ACOX1: variants seen among roughly 807,000 people sequenced by gnomAD.
ACOX1 encodes acyl-CoA oxidase 1.
ACOX1 carries 41 observed loss-of-function variants against 75.5 expected under a neutral mutation model. The ratio of observed to expected loss-of-function variants is 0.54; its 90% CI spans 0.42 to 0.70. The LOEUF is 0.70. Among genes scored for constraint, ACOX1 ranks in the 30% least tolerant of loss-of-function variants. ACOX1 has a pLI of 0.00. For missense variants in ACOX1, 630 were observed against 837.5 expected, an observed-to-expected ratio of 0.75 and a Z score of 3.06; for synonymous variants, 303 against 298.8, an observed-to-expected ratio of 1.01 and a Z score of -0.15.
chr17:75,951,462 G>T lies in ACOX1; in HGVS notation c.1060C>A (p.Arg354=). 6.2e-7 allele frequency: 1 copy of T among 1,614,130 alleles called. No individual in the cohort carries two copies. The highest frequency in any genetic ancestry group is 1.1e-5 in the South Asian group (1 of 91,074). ...CCTTGACCAATGCCTTCGTTAATCC[G>T]GTGATAGGTCTCCTTCATGTATGCG... ...VGAYMKETYH[R]INEGIGQGDL... Residue 354 remains arginine (R), a synonymous_variant, in exon 8 of 14, where the codon CGG becomes AGG. Transcript: ENST00000293217.
intron 2 of ACOX1, among the ~76,000 whole-genome samples, chr17:75,971,158 G>T (rs2065989932): frequency 6.6e-6 from 1 of 152,068 alleles, no homozygotes; most frequent in South Asian, 2.1e-4. Flanking sequence ...GGGCATGGTG[G>T]CACACGCCTC....
At chr17:75,946,969 A>G (rs1423760056) in intron 13 of ACOX1, among the ~76,000 whole-genome samples, 174 bp from the exon 14 acceptor site, 1 of 151,654 alleles carries the variant, frequency 6.6e-6, no homozygotes, top group Non-Finnish European at 1.5e-5. Context: ...CCCAGACTCC[A>G]GCGATCTTCC....
At chr17:75,952,459 T>C (rs189232322) in intron 7 of ACOX1, among the ~76,000 whole-genome samples, 28 of 151,602 alleles carry the variant, frequency 1.8e-4, no homozygotes, top group Middle Eastern at 3.4e-3. Flanking sequence ...CACACCCAGC[T>C]AATTTTTGTA....
Position 75,979,014 on chromosome 17 carries a change from T to A in ACOX1, c.60A>T (p.Thr20=), listed in dbSNP as rs768738771. The change falls in exon 1 of 14, where the codon ACA becomes ACT. Residue 20 remains threonine, a synonymous_variant. Coordinates refer to ENST00000293217, the MANE Select transcript of ACOX1 (RefSeq NM_004035.7). ...DSASFNPELL[T]HILDGSPEKT... ...TCTCGGGGCTGCCGTCCAGGATGTG[T>A]GTAAGCAGCTCCGGGTTGAAGCTGG... 3.1e-6 allele frequency: 5 copies of A among 1,612,184 alleles called. No individual in the cohort carries two copies. Among genetic ancestry groups the A allele is most frequent in the Non-Finnish European group, 3.4e-6 (4 of 1,179,948 alleles).
At chr17:75,962,069 A>G (rs1013251725) in intron 2 of ACOX1, among the ~76,000 whole-genome samples, 3 of 152,152 alleles carry the variant, frequency 2.0e-5, no homozygotes, top group African/African-American at 7.2e-5. Context: ...GCGTAGAACC[A>G]TATTCCTCAC....
chr17:75,956,039 CACTAG>C (rs1323985225), intron 4 of ACOX1, 92 bp from the exon 5 acceptor site: 2 of 1,549,030 alleles, frequency 1.3e-6, no homozygotes, highest in Non-Finnish European at 1.8e-6. Flanking sequence ...TTAAATCTAA[CACTAG>C]ACTAAACCAA....
Position 75,978,815 on chromosome 17 carries a change from CCAG to C in ACOX1, c.110-125_110-123del. 6.2e-7 allele frequency: 1 copy of C among 1,602,510 alleles called. No homozygotes were observed. The highest frequency in any genetic ancestry group is 8.5e-7 in the Non-Finnish European group (1 of 1,178,250). On this transcript the variant is annotated intron_variant, in intron 1 of 13. Coordinates refer to ENST00000293217, the MANE Select transcript of ACOX1 (RefSeq NM_004035.7). The surrounding 1 kb of genome is among the most constrained non-coding windows in gnomAD (Gnocchi z 4.2). ...CCTGGGGAATGGCGATATCCCCCCA[CCAG>C]GGACACAGGCTGTTCCTCGAAGTGG... is the stretch of plus-strand genomic sequence containing the variant.
intron 2 of ACOX1, among the ~76,000 whole-genome samples, chr17:75,968,171 T>C (rs2065956489): frequency 6.7e-6 from 1 of 149,792 alleles, no homozygotes; most frequent in Non-Finnish European, 1.5e-5. Flanking sequence ...GTGCAGTGGC[T>C]CACGCCTGTA....
In ACOX1 at chr17:75,960,978, C is replaced by G. The variant is rs540029957; in HGVS notation, c.270-603G>C. Among the ~76,000 whole-genome samples the G allele has an allele frequency of 1.3e-5, 2 of 149,604 alleles. No homozygotes were observed. The highest frequency in any genetic ancestry group is 3.0e-5 in the Non-Finnish European group (2 of 67,446). ...TGGGTGACAGAGTGAGACTCTGTCT[C>G]AAAAAAAATAAATAAATAAATAAGA... On this transcript the variant is annotated intron_variant, in intron 2 of 13. Coordinates refer to ENST00000293217, the MANE Select transcript of ACOX1 (RefSeq NM_004035.7). This position sits in a 1 kb window ranked among gnomAD's most constrained non-coding sequence, Gnocchi z 4.4.
In ACOX1 at chr17:75,978,653, G is replaced by A; in HGVS notation, c.150C>T (p.Asp50=). 1 of 1,614,216 alleles carries A rather than the reference G, an allele frequency of 6.2e-7. No homozygotes were observed. The highest frequency in any genetic ancestry group is 8.5e-7 in the Non-Finnish European group (1 of 1,180,040). The change falls in exon 2 of 14, where the codon GAC becomes GAT. Residue 50 remains aspartate, a synonymous_variant. Coordinates refer to ENST00000293217, the MANE Select transcript of ACOX1 (RefSeq NM_004035.7). This position sits in a 1 kb window ranked among gnomAD's most constrained non-coding sequence, Gnocchi z 4.2. ...ILNDPDFQHE[D]LNFLTRSQRY... ...GCTGGCTGCGAGTGAGGAAGTTCAAGTCCTCATGCTGGAAGTCTGGGTCGT... is the reference window on the plus strand; with the variant it reads ...GCTGGCTGCGAGTGAGGAAGTTCAAATCCTCATGCTGGAAGTCTGGGTCGT...
chr17:75,972,339 A>C (rs1405127559), intron 2 of ACOX1, among the ~76,000 whole-genome samples: 1 of 151,068 alleles, frequency 6.6e-6, no homozygotes, highest in Non-Finnish European at 1.5e-5. Context: ...AAAAAAAAAA[A>C]AAAAAGGAAG....
At position 75,957,495 on chromosome 17, in the gene ACOX1, G is replaced by A; in HGVS notation, c.502C>T (p.Pro168Ser). 6.2e-7 allele frequency: 1 copy of A among 1,614,094 alleles called. No individual in the cohort carries two copies. Among genetic ancestry groups the A allele is most frequent in the South Asian group, 1.1e-5 (1 of 91,084 alleles). ...CACCATTTAATGGAGGTCACAGTAG[G>A]ACTGTTGAGAATGAACTCCTGGGTT... ...PETQEFILNS[P>S]TVTSIKWWPG... The change falls in exon 4 of 14, where the codon CCT becomes TCT. Residue 168 changes from proline to serine, a missense_variant. Physicochemically the swap from Pro to Ser is moderately conservative, Grantham distance 74. Around this residue, in one of 2 missense-constraint regions of ACOX1, gnomAD observed 390 missense variants for 574.9 expected, o/e 0.68. Transcript: ENST00000293217.
chr17:75,957,458 C>G lies in ACOX1; in HGVS notation c.538+1G>C. 1 of 1,611,570 alleles carries G rather than the reference C, an allele frequency of 6.2e-7. No homozygotes were observed. Among genetic ancestry groups the G allele is most frequent in the Non-Finnish European group, 8.5e-7 (1 of 1,177,740 alleles). ...CAATAAATGCTGAAAAATTCACTTACGCCCACCAGGCCACCATTTAATGGA... is the reference window on the plus strand; with the variant it reads ...CAATAAATGCTGAAAAATTCACTTAGGCCCACCAGGCCACCATTTAATGGA... On this transcript the variant is annotated splice_donor_variant, in intron 4 of 13. Transcript: ENST00000293217. LOFTEE classifies it high-confidence loss of function.
At position 75,979,010 on chromosome 17, in the gene ACOX1, T is replaced by C. The variant is rs1311515633; in HGVS notation, c.64A>G (p.Ile22Val). Residue 22 changes from isoleucine to valine, a missense_variant, in exon 1 of 14, where the codon ATC (isoleucine) becomes GTC (valine). This residue lies in a region of ACOX1 where 390 missense variants were observed against 574.9 expected (regional missense o/e 0.68). Coordinates refer to ENST00000293217, the MANE Select transcript of ACOX1 (RefSeq NM_004035.7). Reference sequence around the variant, plus strand: ...GTTTTCTCGGGGCTGCCGTCCAGGATGTGTGTAAGCAGCTCCGGGTTGAAG... The same window carrying C: ...GTTTTCTCGGGGCTGCCGTCCAGGACGTGTGTAAGCAGCTCCGGGTTGAAG... ...ASFNPELLTH[I>V]LDGSPEKTRR... 2 of 1,611,550 alleles carry C rather than the reference T, an allele frequency of 1.2e-6. No homozygotes were observed. Among genetic ancestry groups the C allele is most frequent in the African/African-American group, 2.7e-5 (2 of 74,960 alleles).
intron 4 of ACOX1, among the ~76,000 whole-genome samples, chr17:75,956,991 A>C (rs1430854594): frequency 3.1e-4 from 37 of 117,582 alleles, no homozygotes; most frequent in East Asian, 2.9e-3. Context: ...ATATATATAT[A>C]TATATATATA....
chr17:75,951,663 G>T, intron 7 of ACOX1, 86 bp from the exon 8 acceptor site: 1 of 1,403,272 alleles, frequency 7.1e-7, no homozygotes, highest in Non-Finnish European at 1.0e-6. Flanking sequence ...TAAGCACTTG[G>T]TATTTTAACT....
At position 75,944,691 on chromosome 17, in the gene ACOX1, A is replaced by G. The variant is rs2065704018; in HGVS notation, c.*2057T>C. On this transcript the variant is annotated 3_prime_UTR_variant, in exon 14 of 14. Coordinates refer to ENST00000293217, the MANE Select transcript of ACOX1 (RefSeq NM_004035.7). Reference sequence around the variant, plus strand: ...CTTTATTCTTGATTATATTGAATAAAGTTCAAGACAGAACATTCCAATATT... The same window carrying G: ...CTTTATTCTTGATTATATTGAATAAGGTTCAAGACAGAACATTCCAATATT... 1 of 152,218 alleles carries G rather than the reference A, an allele frequency of 6.6e-6. No homozygotes were observed. The highest frequency in any genetic ancestry group is 2.4e-5 in the African/African-American group (1 of 41,468). The allele number at this position is 152,218 out of a possible 1,614,324, so 9.4% of individuals were successfully genotyped here.
Position 75,979,094 on chromosome 17 carries a change from GAAGT to G in ACOX1, c.-25_-22del. ...TTCATGGCGACGACCAGCTGGCAGC[GAAGT>G]AAGCACCGACCGAGGTGGCAGTGAC... is the stretch of plus-strand genomic sequence containing the variant. On this transcript the variant is annotated 5_prime_UTR_variant, in exon 1 of 14. Transcript: ENST00000293217. 6.2e-7 allele frequency: 1 copy of G among 1,609,386 alleles called. No homozygotes were observed. The highest frequency in any genetic ancestry group is 8.5e-7 in the Non-Finnish European group (1 of 1,179,938).
At chr17:75,955,292 A>G (rs946980603) in intron 6 of ACOX1, among the ~76,000 whole-genome samples, 22 of 152,034 alleles carry the variant, frequency 1.4e-4, no homozygotes, top group African/African-American at 5.3e-4. Flanking sequence ...TCTCCCAAGT[A>G]GCTGGGACTA....
Sources: gnomAD v4.1 joint callset for allele counts (sites outside exome capture counted in the v4.1 genomes callset) on GRCh38, gnomAD v4.1.1 for gene constraint, gnomAD v4.1.1 regional missense constraint, Gnocchi (gnomAD v3.1) non-coding constraint, MANE v1.5 for transcripts, NCBI Gene and HGNC (gene_info 2026-07-23, HGNC 2026-07-21) for gene names.